AFG2A: variants seen among roughly 807,000 people sequenced by gnomAD.
The protein encoded by AFG2A is ATPase family gene 2 protein homolog A.
chr4:123,026,642 A>G, the AFG2A span, among the ~76,000 whole-genome samples: 1 of 152,220 alleles, frequency 6.6e-6, no homozygotes, highest in African/African-American at 2.4e-5. Flanking sequence ...ATAAAGCAAT[A>G]TGAGTAATAT....
chr4:123,306,095 G>A, the AFG2A span, among the ~76,000 whole-genome samples: 1 of 152,162 alleles, frequency 6.6e-6, no homozygotes, highest in Admixed American at 6.6e-5. Flanking sequence ...CAGAGAGCTA[G>A]CATAGCATGA....
chr4:122,959,327 G>C, the AFG2A span, among the ~76,000 whole-genome samples: 5 of 152,114 alleles, frequency 3.3e-5, no homozygotes, highest in African/African-American at 7.2e-5. Context: ...AAGAGAAAAT[G>C]AATGTCTTAA....
At chr4:123,070,873 G>A in the AFG2A span, among the ~76,000 whole-genome samples, 1 of 152,156 alleles carries the variant, frequency 6.6e-6, no homozygotes, top group Non-Finnish European at 1.5e-5. Context: ...ATGAGTACTA[G>A]TCAATGAAGG....
the AFG2A span, among the ~76,000 whole-genome samples, chr4:122,984,766 A>G: frequency 0.012 from 1,846 of 152,262 alleles, 42 homozygotes; most frequent in African/African-American, 0.041. Context: ...TGACTTGCAT[A>G]TGTTAAACCA....
the AFG2A span, among the ~76,000 whole-genome samples, chr4:123,089,874 C>T: frequency 9.2e-5 from 14 of 152,240 alleles, no homozygotes; most frequent in South Asian, 2.3e-3. Context: ...TGAGCCACTG[C>T]GCCTGGCCCG....
the AFG2A span, among the ~76,000 whole-genome samples, chr4:122,929,727 T>C: frequency 9.2e-5 from 14 of 151,966 alleles, no homozygotes; most frequent in Non-Finnish European, 1.6e-4. Flanking sequence ...CAATAAGATA[T>C]TTTGCATCCT....
At chr4:123,166,851 A>G in the AFG2A span, among the ~76,000 whole-genome samples, 1 of 152,138 alleles carries the variant, frequency 6.6e-6, no homozygotes, top group African/African-American at 2.4e-5. Context: ...GCTATCATTA[A>G]TCTTGGATTA....
At chr4:123,119,759 TTAG>T in the AFG2A span, among the ~76,000 whole-genome samples, 1 of 152,172 alleles carries the variant, frequency 6.6e-6, no homozygotes, top group East Asian at 1.9e-4. Context: ...GTCTTCTGTA[TTAG>T]TCCATTCTCA....
chr4:123,256,016 G>T, the AFG2A span: 1 of 1,613,844 alleles, frequency 6.2e-7, no homozygotes, highest in Non-Finnish European at 8.5e-7. Context: ...TTCTTTATAG[G>T]CTTTGATGCG....
the AFG2A span, among the ~76,000 whole-genome samples, chr4:123,153,335 A>G: frequency 6.6e-6 from 1 of 152,274 alleles, no homozygotes; most frequent in Non-Finnish European, 1.5e-5. Context: ...CTCTGAATTT[A>G]TACTATGTCA....
At chr4:122,951,513 A>G in the AFG2A span, among the ~76,000 whole-genome samples, 2 of 152,112 alleles carry the variant, frequency 1.3e-5, no homozygotes, top group Non-Finnish European at 2.9e-5. Context: ...TGAAGACAAT[A>G]TTTATTGATA....
the AFG2A span, among the ~76,000 whole-genome samples, chr4:123,192,103 T>C: frequency 6.6e-6 from 1 of 152,036 alleles, no homozygotes; most frequent in Admixed American, 6.6e-5. Flanking sequence ...CTTAGCTCAC[T>C]GCAACCTCCG....
the AFG2A span, among the ~76,000 whole-genome samples, chr4:122,968,429 A>G: frequency 3.9e-5 from 6 of 152,216 alleles, no homozygotes; most frequent in African/African-American, 1.4e-4. Flanking sequence ...CCTCTCTCAG[A>G]CCCTTTCCCA....
the AFG2A span, among the ~76,000 whole-genome samples, chr4:123,218,855 C>G: frequency 6.6e-6 from 1 of 152,248 alleles, no homozygotes; most frequent in African/African-American, 2.4e-5. Context: ...TGTCTGTATG[C>G]TGGAGAATAG....
At chr4:123,256,636 T>A in the AFG2A span, 1 of 906,114 alleles carries the variant, frequency 1.1e-6, no homozygotes, top group Non-Finnish European at 1.3e-6. Context: ...ACAGATTGTA[T>A]CATTATCATC....
the AFG2A span, among the ~76,000 whole-genome samples, chr4:123,181,167 G>T: frequency 8.6e-5 from 13 of 151,866 alleles, no homozygotes; most frequent in East Asian, 2.5e-3. Context: ...TGTATTTTTA[G>T]TAGAGACGGG....
chr4:123,016,606 C>T, the AFG2A span, among the ~76,000 whole-genome samples: 7 of 150,892 alleles, frequency 4.6e-5, no homozygotes, highest in African/African-American at 1.2e-4. Flanking sequence ...GATGGGATGG[C>T]GGCCGGGCAG....
the AFG2A span, among the ~76,000 whole-genome samples, chr4:123,162,829 G>C: frequency 2.0e-5 from 3 of 151,942 alleles, no homozygotes; most frequent in Non-Finnish European, 4.4e-5. Flanking sequence ...GGCCCCTCTG[G>C]GTCATGGTTT....
At chr4:123,240,698 C>A in the AFG2A span, among the ~76,000 whole-genome samples, 77,951 of 151,940 alleles carry the variant, frequency 0.51, 24,590 homozygotes, top group Non-Finnish European at 0.67. Flanking sequence ...CTAAAATTGA[C>A]ACCCTGACAT....
Sources: allele counts gnomAD v4.1 joint callset (sites outside exome capture counted in the v4.1 genomes callset), GRCh38; gene constraint gnomAD v4.1.1; transcripts MANE v1.5; gene names NCBI Gene and HGNC (gene_info 2026-07-23, HGNC 2026-07-21).